The following GABRG3 variants were observed in gnomAD, a reference collection of about 807,000 sequenced individuals.
GABRG3 encodes gamma-aminobutyric acid type A receptor subunit gamma3, also known as gamma-aminobutyric acid receptor subunit gamma-3.
A neutral mutation model predicts 48.8 loss-of-function variants in GABRG3; 25 were observed. That is an observed-to-expected ratio of 0.51 (90% CI 0.37 to 0.72). GABRG3 has a LOEUF of 0.72. Ranked by LOEUF, GABRG3 falls within the 30% of genes least tolerant of loss-of-function variation. The probability of loss-of-function intolerance (pLI) is 0.00; values close to 1 mark genes in which losing one functional copy is unlikely to be tolerated. For synonymous variants in GABRG3, 227 were observed against 217.6 expected (o/e 1.04, Z -0.38); for missense variants, 394 against 577.9 (o/e 0.68, Z 3.26).
At chr15:27,109,375 C>G (rs1181707255) in intron 3 of GABRG3, among the ~76,000 whole-genome samples, 2 of 152,134 alleles carry the variant, frequency 1.3e-5, no homozygotes, top group African/African-American at 2.4e-5. Context: ...AGGGTTCACT[C>G]TGTGTTGTAC....
chr15:27,526,640 C>T lies in GABRG3; in HGVS notation c.866-793C>T, dbSNP rs558053428. Among the ~76,000 whole-genome samples, 35 of 152,214 alleles carry T rather than the reference C, an allele frequency of 2.3e-4. 1 individual carries two copies. In the South Asian group the frequency reaches 3.5e-3, roughly 15 times the overall value. ...GTTTTCCCTTCTAAGCTATCCATCT[C>T]GTGTGTGTCTGTGTCTCTTTTCTGA... On this transcript the variant is annotated intron_variant, in intron 7 of 9. Coordinates refer to ENST00000615808, the MANE Select transcript of GABRG3 (RefSeq NM_033223.5).
At chr15:27,147,691 A>G (rs1898234907) in intron 3 of GABRG3, among the ~76,000 whole-genome samples, 1 of 152,050 alleles carries the variant, frequency 6.6e-6, no homozygotes, top group African/African-American at 2.4e-5. Context: ...ATTCACAAAT[A>G]TATGAAAATT....
chr15:27,135,253 A>G (rs1014757369), intron 3 of GABRG3, among the ~76,000 whole-genome samples: 2 of 152,204 alleles, frequency 1.3e-5, no homozygotes, highest in Non-Finnish European at 2.9e-5. Context: ...GCTTAATTAA[A>G]GGAACTAGGA....
intron 3 of GABRG3, among the ~76,000 whole-genome samples, chr15:27,314,197 A>G (rs574019007): frequency 1.3e-5 from 2 of 152,294 alleles, no homozygotes; most frequent in African/African-American, 4.8e-5. Context: ...ACTATAGTGA[A>G]GTCCTACAAT....
At chr15:27,086,143 G>A (rs1380067444) in intron 3 of GABRG3, among the ~76,000 whole-genome samples, 1 of 149,728 alleles carries the variant, frequency 6.7e-6, no homozygotes, top group Non-Finnish European at 1.5e-5. Flanking sequence ...TCTTGTAAAG[G>A]ACATGGAGTA....
At chr15:27,164,063 T>C (rs1458675836) in intron 3 of GABRG3, among the ~76,000 whole-genome samples, 1 of 152,234 alleles carries the variant, frequency 6.6e-6, no homozygotes, top group Non-Finnish European at 1.5e-5. Flanking sequence ...TAAATTAGAA[T>C]GTTTCACACA....
chr15:27,394,692 T>A (rs1887246371), intron 5 of GABRG3, among the ~76,000 whole-genome samples: 2 of 152,196 alleles, frequency 1.3e-5, no homozygotes, highest in South Asian at 4.1e-4. Context: ...TAATTTTGCC[T>A]TCGTTTTGGA....
chr15:27,334,659 AAAC>A (rs2140523850), intron 5 of GABRG3, among the ~76,000 whole-genome samples: 2 of 152,280 alleles, frequency 1.3e-5, no homozygotes, highest in Non-Finnish European at 2.9e-5. Context: ...TTACTCTATC[AAAC>A]AACAAGTAAA....
chr15:27,442,561 G>A (rs1888822375), intron 5 of GABRG3, among the ~76,000 whole-genome samples: 1 of 152,296 alleles, frequency 6.6e-6, no homozygotes, highest in Non-Finnish European at 1.5e-5. Context: ...TTCTCATCAA[G>A]CCACCTGAAC....
intron 2 of GABRG3, among the ~76,000 whole-genome samples, chr15:26,993,564 T>C (rs1228569410): frequency 6.6e-6 from 1 of 152,056 alleles, no homozygotes; most frequent in East Asian, 1.9e-4. Context: ...TTAGAAAACA[T>C]GTTTGATAGT....
chr15:27,132,231 C>T (rs559923306), intron 3 of GABRG3, among the ~76,000 whole-genome samples: 2 of 152,110 alleles, frequency 1.3e-5, no homozygotes, highest in East Asian at 3.9e-4. Context: ...TGTAGCATTT[C>T]CCCTATATTT....
At chr15:27,273,058 G>A (rs1309790756) in intron 3 of GABRG3, among the ~76,000 whole-genome samples, 3 of 152,148 alleles carry the variant, frequency 2.0e-5, no homozygotes, top group African/African-American at 7.2e-5. Flanking sequence ...AAAATAGGTG[G>A]TGGGCTAGAT....
intron 3 of GABRG3, among the ~76,000 whole-genome samples, chr15:27,307,062 TGTATAATATAAACATGTTTATATATAAAC>T (rs1566770037): frequency 1.9e-4 from 22 of 117,948 alleles, no homozygotes; most frequent in African/African-American, 7.0e-4. Flanking sequence ...TATATAAACA[TGTATAATATAAACATGTTTATATATAAAC>T]ATATAATATA....
rs1891706059 is a variant in GABRG3, at chr15:27,288,819, A to AT, written c.271-37986dup. Among the ~76,000 whole-genome samples the AT allele has an allele frequency of 2.0e-5, 3 of 152,200 alleles. No homozygotes were observed. In the South Asian group the frequency reaches 6.2e-4, roughly 32 times the overall value. ...CTCGTCCAAATTTCCACATAATGTG[A>AT]TTTTCCTTGAGCCTGAAGAACCTTC... is the stretch of plus-strand genomic sequence containing the variant. On this transcript the variant is annotated intron_variant, in intron 3 of 9. Coordinates refer to ENST00000615808, the MANE Select transcript of GABRG3 (RefSeq NM_033223.5).
rs1894947672 is a variant in GABRG3, at chr15:26,976,480, T to A, written c.54-522T>A. Among the ~76,000 whole-genome samples the A allele has an allele frequency of 6.6e-6, 1 of 152,088 alleles. No homozygotes were observed. Among genetic ancestry groups the A allele is most frequent in the Admixed American group, 6.6e-5 (1 of 15,258 alleles). On this transcript the variant is annotated intron_variant, in intron 1 of 9. Transcript: ENST00000615808. This position sits in a 1 kb window ranked among gnomAD's most constrained non-coding sequence, Gnocchi z 7.8. ...GACCCCCTCACAATGCTCAAGTGCC[T>A]AGACCCCCAGATTCCCGCCTCCAAG...
chr15:27,075,425 A>T (rs1896894589), intron 3 of GABRG3, among the ~76,000 whole-genome samples: 1 of 152,202 alleles, frequency 6.6e-6, no homozygotes, highest in Non-Finnish European at 1.5e-5. Flanking sequence ...GGTGCCTACC[A>T]CATTGCAGGA....
intron 3 of GABRG3, among the ~76,000 whole-genome samples, chr15:27,323,391 G>C (rs1477711630): frequency 1.3e-5 from 2 of 152,166 alleles, no homozygotes; most frequent in Non-Finnish European, 2.9e-5. Context: ...GCGGGCCCTG[G>C]ATGTGCTTGG....
At chr15:27,268,891 C>G (rs1890998848) in intron 3 of GABRG3, among the ~76,000 whole-genome samples, 2 of 152,202 alleles carry the variant, frequency 1.3e-5, no homozygotes, top group South Asian at 4.1e-4. Context: ...AGAAACTCTT[C>G]TAAGCCAGTT....
intron 5 of GABRG3, chr15:27,366,455 C>T (rs1566808049): frequency 6.6e-6 from 1 of 152,180 alleles, no homozygotes. Context: ...CTCATGGATT[C>T]TTGTGTGTTA....
Sources: gnomAD v4.1 joint callset for allele counts (sites outside exome capture counted in the v4.1 genomes callset) on GRCh38, gnomAD v4.1.1 for gene constraint, Gnocchi (gnomAD v3.1) non-coding constraint, MANE v1.5 for transcripts, NCBI Gene and HGNC (gene_info 2026-07-23, HGNC 2026-07-21) for gene names.